Variants in FREM2 observed in about 807,000 individuals in gnomAD.
The protein encoded by FREM2 is FRAS1-related extracellular matrix protein 2.
In FREM2, 119 loss-of-function variants were observed where a neutral mutation model predicts 219.9. The ratio of observed to expected loss-of-function variants is 0.54; its 90% CI spans 0.47 to 0.63. FREM2 has a LOEUF of 0.63. FREM2 is among the 30% of genes least tolerant of loss of function. The pLI is 0.00. For synonymous variants in FREM2, 1,562 were observed against 1,522.8 expected (o/e 1.03, Z -0.60); for missense variants, 4,030 against 3,993.6 (o/e 1.01, Z -0.25).
chr13:38,744,784 G>A (rs1476656005), intron 2 of FREM2, among the ~76,000 whole-genome samples: 1 of 152,144 alleles, frequency 6.6e-6, no homozygotes, highest in Non-Finnish European at 1.5e-5. Flanking sequence ...AAGCCACTAC[G>A]CCCAGCCAGC....
At chr13:38,844,816 C>A (rs1236772559) in intron 6 of FREM2, among the ~76,000 whole-genome samples, 1 of 152,172 alleles carries the variant, frequency 6.6e-6, no homozygotes, top group Non-Finnish European at 1.5e-5. Context: ...GTTACGGAAG[C>A]CTTTTAAAAG....
At chr13:38,705,726 C>CTATGCA (rs1377665201) in intron 2 of FREM2, among the ~76,000 whole-genome samples, 2 of 152,182 alleles carry the variant, frequency 1.3e-5, no homozygotes, top group African/African-American at 4.8e-5. Flanking sequence ...ATAGTAACAA[C>CTATGCA]TATGCAGGTA....
At chr13:38,847,184 C>T (rs1458634609) in intron 7 of FREM2, among the ~76,000 whole-genome samples, 1 of 149,840 alleles carries the variant, frequency 6.7e-6, no homozygotes, top group African/African-American at 2.5e-5. Context: ...AGGTTTTTTC[C>T]ACACTTCGTT....
intron 2 of FREM2, among the ~76,000 whole-genome samples, chr13:38,740,864 G>A (rs1872214601): frequency 6.6e-6 from 1 of 152,160 alleles, no homozygotes; most frequent in African/African-American, 2.4e-5. Context: ...ATCAGGACTT[G>A]CTCACTACTC....
intron 6 of FREM2, among the ~76,000 whole-genome samples, chr13:38,798,322 T>C (rs1874872826): frequency 6.6e-6 from 1 of 152,118 alleles, no homozygotes; most frequent in South Asian, 2.1e-4. Context: ...CTGTTTTAAA[T>C]TGCACTTGAT....
At chr13:38,861,675 T>G (rs1877769047) in intron 15 of FREM2, 113 bp downstream of exon 15, 1 of 1,188,220 alleles carries the variant, frequency 8.4e-7, no homozygotes, top group African/African-American at 1.5e-5. Context: ...AATTTGCAAC[T>G]TGAGCTTCAA....
At chr13:38,870,732 T>C (rs1878128440) in intron 16 of FREM2, among the ~76,000 whole-genome samples, 1 of 152,110 alleles carries the variant, frequency 6.6e-6, no homozygotes, top group Admixed American at 6.6e-5. Context: ...CAAGCTCTAG[T>C]TTACCACAAC....
chr13:38,734,591 T>C (rs1480288924), intron 2 of FREM2, among the ~76,000 whole-genome samples: 1 of 152,170 alleles, frequency 6.6e-6, no homozygotes, highest in African/African-American at 2.4e-5. Flanking sequence ...TATACCATAA[T>C]CTAAACTGAA....
At chr13:38,867,821 C>T (rs901711909) in intron 16 of FREM2, among the ~76,000 whole-genome samples, 3 of 152,136 alleles carry the variant, frequency 2.0e-5, no homozygotes, top group African/African-American at 7.2e-5. Flanking sequence ...TATTTTTGTC[C>T]TTTTCTTTTC....
chr13:38,710,010 C>T (rs1384190429), intron 2 of FREM2, among the ~76,000 whole-genome samples: 1 of 150,714 alleles, frequency 6.6e-6, no homozygotes. Flanking sequence ...CACACACACA[C>T]ACACACACAC....
At chr13:38,755,744 A>AC (rs1286186465) in intron 2 of FREM2, among the ~76,000 whole-genome samples, 3 of 152,294 alleles carry the variant, frequency 2.0e-5, no homozygotes, top group East Asian at 3.9e-4. Context: ...GAAGATGGGA[A>AC]CCCCAGATGT....
At chr13:38,752,732 A>T (rs1439627206) in intron 2 of FREM2, among the ~76,000 whole-genome samples, 6 of 152,360 alleles carry the variant, frequency 3.9e-5, no homozygotes, top group Admixed American at 6.5e-5. Context: ...TCAGACTGTA[A>T]TCCATGTTAA....
At chr13:38,787,896 G>T (rs1432934705) in intron 6 of FREM2, among the ~76,000 whole-genome samples, 1 of 151,984 alleles carries the variant, frequency 6.6e-6, no homozygotes, top group Non-Finnish European at 1.5e-5. Flanking sequence ...AACAAAGGAG[G>T]TGGCACAGGG....
At chr13:38,815,564 C>G (rs983858970) in intron 6 of FREM2, among the ~76,000 whole-genome samples, 4 of 152,198 alleles carry the variant, frequency 2.6e-5, no homozygotes, top group Non-Finnish European at 4.4e-5. Flanking sequence ...CTTTAAACAA[C>G]TATATGCCAA....
At chr13:38,715,149 A>G (rs1394745518) in intron 2 of FREM2, among the ~76,000 whole-genome samples, 3 of 152,166 alleles carry the variant, frequency 2.0e-5, no homozygotes, top group Admixed American at 2.0e-4. Context: ...GTAGATTTTT[A>G]TGGCCTCATT....
At position 38,835,425 on chromosome 13, in the gene FREM2, A is replaced by G. The variant is rs537531447; in HGVS notation, c.6020-11148A>G. Among the ~76,000 whole-genome samples, 3 of 152,260 alleles carry G rather than the reference A, an allele frequency of 2.0e-5. No homozygotes were observed. The South Asian group carries it at 6.2e-4, about 32-fold the overall frequency. ...CTTTTTGCTTAGGATTGTCTTGGCT[A>G]TACGGGCTTTTTTGGTTCCATATTA... On this transcript the variant is annotated intron_variant, in intron 6 of 23. Transcript: ENST00000280481.
intron 6 of FREM2, among the ~76,000 whole-genome samples, chr13:38,805,791 A>G (rs1037629095): frequency 5.3e-5 from 8 of 151,942 alleles, no homozygotes; most frequent in South Asian, 2.1e-4. Flanking sequence ...ATCACTTGTT[A>G]TATATTAAGA....
chr13:38,808,118 G>A lies in FREM2; in HGVS notation c.6019+23310G>A, dbSNP rs189583290. On this transcript the variant is annotated intron_variant, in intron 6 of 23. Coordinates refer to ENST00000280481, the MANE Select transcript of FREM2 (RefSeq NM_207361.6). ...CCTTGCACTTTAATGATTTAGAGAC[G>A]GCTTCTTTCCCTAAACCTCATGAAG... Among the ~76,000 whole-genome samples the A allele has an allele frequency of 7.0e-4, 106 of 151,944 alleles. 5 individuals are homozygous for A. The highest frequency in any genetic ancestry group is 3.6e-3 in the East Asian group (18 of 5,028).
rs66795118 is a variant in FREM2 at position 38,840,625 on chromosome 13, A to AATATATATATATATAT, written c.6020-5943_6020-5928dup. 1.0e-3 allele frequency among the ~76,000 whole-genome samples: 135 copies of AATATATATATATATAT among 135,122 alleles called. 1 individual carries two copies. Among genetic ancestry groups the AATATATATATATATAT allele is most frequent in the African/African-American group, 3.6e-3 (115 of 31,614 alleles). 88.6% of individuals were successfully genotyped at this position (135,122 alleles called of 152,430 possible). Reference sequence around the variant, plus strand: ...TTTTTAACCTGGGGGATAAAACTAAAATATATATATATATATATATGTGTA... The same window carrying AATATATATATATATAT: ...TTTTTAACCTGGGGGATAAAACTAAAATATATATATATATATATATATATATATATATATATGTGTA... On this transcript the variant is annotated intron_variant, in intron 6 of 23. Transcript: ENST00000280481.
Sources: gnomAD v4.1 joint callset for allele counts (sites outside exome capture counted in the v4.1 genomes callset) on GRCh38, gnomAD v4.1.1 for gene constraint, MANE v1.5 for transcripts, NCBI Gene and HGNC (gene_info 2026-07-23, HGNC 2026-07-21) for gene names.